The following EXT1 variants were observed in gnomAD, a reference collection of about 807,000 sequenced individuals.
The protein encoded by EXT1 is exostosin glycosyltransferase 1, also known as exostosin-1.
EXT1 carries 20 observed loss-of-function variants against 82.5 expected under a neutral mutation model. The ratio of observed to expected loss-of-function variants is 0.24; its 90% CI spans 0.17 to 0.35. The LOEUF (loss-of-function observed/expected upper bound fraction) is 0.35, where lower values mean the gene tolerates loss of function less well. Ranked by LOEUF, EXT1 falls within the 10% of genes least tolerant of loss-of-function variation. EXT1 has a pLI of 1.00. For synonymous variants in EXT1, 348 were observed against 350.8 expected, an observed-to-expected ratio of 0.99 and a Z score of 0.09; for missense variants, 757 against 936.5, an observed-to-expected ratio of 0.81 and a Z score of 2.50.
intron 1 of EXT1, among the ~76,000 whole-genome samples, chr8:118,035,253 C>T (rs936674906): frequency 6.6e-6 from 1 of 152,148 alleles, no homozygotes; most frequent in African/African-American, 2.4e-5. Context: ...ACACAGGAAG[C>T]TTGGAATTTG....
rs541398630 is a variant in EXT1, at chr8:118,009,616, C to T, written c.962+100469G>A. On this transcript the variant is annotated intron_variant, in intron 1 of 10. Coordinates refer to ENST00000378204, the MANE Select transcript of EXT1 (RefSeq NM_000127.3). Reference sequence around the variant, plus strand: ...AGGAACCGGGCTGCAAAGCAGGAAGCGAGTGACAGGCAAGCGAGGATTACC... The same window carrying T: ...AGGAACCGGGCTGCAAAGCAGGAAGTGAGTGACAGGCAAGCGAGGATTACC... Among the ~76,000 whole-genome samples, 18 of 152,308 alleles carry T rather than the reference C, an allele frequency of 1.2e-4. No homozygotes were observed. The South Asian group carries it at 3.1e-3, about 26-fold the overall frequency.
intron 1 of EXT1, among the ~76,000 whole-genome samples, chr8:117,882,861 C>T (rs1419296594): frequency 2.6e-5 from 4 of 151,634 alleles, no homozygotes; most frequent in Non-Finnish European, 4.4e-5. Context: ...CCTGTAATCC[C>T]AGCTACTCGG....
chr8:117,990,882 T>C (rs994505628), intron 1 of EXT1, among the ~76,000 whole-genome samples: 1 of 152,228 alleles, frequency 6.6e-6, no homozygotes, highest in Non-Finnish European at 1.5e-5. Context: ...CAACAGGCTC[T>C]ACAGGTGATG....
chr8:118,102,097 T>C (rs1161284495), intron 1 of EXT1, among the ~76,000 whole-genome samples: 2 of 151,920 alleles, frequency 1.3e-5, no homozygotes, highest in Non-Finnish European at 2.9e-5. Flanking sequence ...CAAAACCCCA[T>C]CTCTACTAAA....
chr8:117,948,204 G>T (rs1362917038), intron 1 of EXT1, among the ~76,000 whole-genome samples: 1 of 151,932 alleles, frequency 6.6e-6, no homozygotes, highest in East Asian at 1.9e-4. Context: ...AGATAGAGGA[G>T]GGTGCTCTGA....
chr8:118,078,666 T>C (rs1427297500), intron 1 of EXT1, among the ~76,000 whole-genome samples: 1 of 152,036 alleles, frequency 6.6e-6, no homozygotes, highest in Non-Finnish European at 1.5e-5. Context: ...AGGGTAAACA[T>C]GTAGCCTTTG....
intron 1 of EXT1, among the ~76,000 whole-genome samples, chr8:118,060,528 T>C (rs1026483143): frequency 6.6e-6 from 1 of 152,150 alleles, no homozygotes; most frequent in Non-Finnish European, 1.5e-5. Flanking sequence ...AACCACCAAC[T>C]TGTACACTCT....
At chr8:118,052,526 A>G (rs914392567) in intron 1 of EXT1, among the ~76,000 whole-genome samples, 6 of 152,238 alleles carry the variant, frequency 3.9e-5, no homozygotes, top group African/African-American at 9.6e-5. Context: ...TACTTGTAAG[A>G]CAACTGGGCT....
At chr8:118,075,221 G>A (rs1020635541) in intron 1 of EXT1, among the ~76,000 whole-genome samples, 3 of 152,228 alleles carry the variant, frequency 2.0e-5, no homozygotes, top group African/African-American at 2.4e-5. Flanking sequence ...GAGAGACCAG[G>A]CTGTGCACAG....
intron 1 of EXT1, among the ~76,000 whole-genome samples, chr8:118,085,675 G>A (rs573532244): frequency 2.0e-4 from 31 of 151,594 alleles, no homozygotes; most frequent in African/African-American, 6.5e-4. Flanking sequence ...AGAGCCACAT[G>A]TTCACATACA....
chr8:117,992,117 C>T (rs1244135826), intron 1 of EXT1, among the ~76,000 whole-genome samples: 2 of 152,154 alleles, frequency 1.3e-5, no homozygotes, highest in African/African-American at 4.8e-5. Context: ...ACCTATAAAA[C>T]ATGTTGGCAG....
chr8:117,871,665 G>C (rs955652740), intron 1 of EXT1, among the ~76,000 whole-genome samples: 3 of 152,144 alleles, frequency 2.0e-5, no homozygotes, highest in African/African-American at 7.2e-5. Context: ...GAGAAAATGA[G>C]TTACCATGGT....
At chr8:117,936,800 G>A (rs113831641) in intron 1 of EXT1, among the ~76,000 whole-genome samples, 28 of 152,260 alleles carry the variant, frequency 1.8e-4, no homozygotes, top group Non-Finnish European at 3.4e-4. Context: ...ACTTGAAACC[G>A]GGAGGTGGAG....
chr8:117,812,975 G>A lies in EXT1; in HGVS notation c.1633-14C>T, dbSNP rs368398998. ...GCTGCTCATAACCTGGGAGGAAGTA[G>A]AAGTAGGCAGTGGGGAGGGAATGAG... On this transcript the variant is annotated splice_polypyrimidine_tract_variant and intron_variant, in intron 7 of 10. Coordinates refer to ENST00000378204, the MANE Select transcript of EXT1 (RefSeq NM_000127.3). 2 of 1,609,590 alleles carry A rather than the reference G, an allele frequency of 1.2e-6. No individual in the cohort carries two copies. Among genetic ancestry groups the A allele is most frequent in the Admixed American group, 1.7e-5 (1 of 59,730 alleles).
intron 1 of EXT1, among the ~76,000 whole-genome samples, chr8:117,875,848 T>C (rs1472438078): frequency 6.6e-6 from 1 of 152,134 alleles, no homozygotes; most frequent in Non-Finnish European, 1.5e-5. Context: ...ATGCAAGCAG[T>C]GGGCAGTGAC....
chr8:118,043,585 C>T (rs1023869649), intron 1 of EXT1, among the ~76,000 whole-genome samples: 8 of 152,258 alleles, frequency 5.3e-5, no homozygotes, highest in African/African-American at 1.7e-4. Flanking sequence ...CTAAGGGTAA[C>T]CTCATTAGAA....
In EXT1 at chr8:118,022,326, C is replaced by CTTTTTT. The variant is rs71307420; in HGVS notation, c.962+87753_962+87758dup. Among the ~76,000 whole-genome samples the CTTTTTT allele has an allele frequency of 1.8e-3, 83 of 46,212 alleles. 6 individuals carry two copies. Among genetic ancestry groups the CTTTTTT allele is most frequent in the East Asian group, 2.5e-3 (3 of 1,204 alleles). 30.3% of individuals were successfully genotyped at this position (46,212 alleles called of 152,430 possible). A position where few individuals can be genotyped will look rare whatever the true frequency, so the allele number is the denominator to read the frequency against. Reference sequence around the variant, plus strand: ...ATACTTGGCCGGGCGCATATATATTCTTTTTTTTTTTTTTTTTTTTTTTTT... The same window carrying CTTTTTT: ...ATACTTGGCCGGGCGCATATATATTCTTTTTTTTTTTTTTTTTTTTTTTTTTTTTTT... On this transcript the variant is annotated intron_variant, in intron 1 of 10. Transcript: ENST00000378204.
At chr8:117,910,792 A>T (rs1813632467) in intron 1 of EXT1, among the ~76,000 whole-genome samples, 1 of 152,252 alleles carries the variant, frequency 6.6e-6, no homozygotes, top group Non-Finnish European at 1.5e-5. Flanking sequence ...CTCTTTCCAC[A>T]TAATCATGGC....
intron 1 of EXT1, among the ~76,000 whole-genome samples, chr8:117,932,807 T>C (rs574894333): frequency 6.6e-6 from 1 of 152,290 alleles, no homozygotes; most frequent in East Asian, 1.9e-4. Context: ...ATGAAAAATG[T>C]AAAGTAAAAA....
Sources: gnomAD v4.1 joint callset for allele counts (sites outside exome capture counted in the v4.1 genomes callset) on GRCh38, gnomAD v4.1.1 for gene constraint, MANE v1.5 for transcripts, NCBI Gene and HGNC (gene_info 2026-07-23, HGNC 2026-07-21) for gene names.